The following SYNJ2 variants were observed in gnomAD, a reference collection of about 807,000 sequenced individuals.
The protein encoded by SYNJ2 is polyphosphatidylinositol phosphatase SYNJ2.
SYNJ2 carries 116 observed loss-of-function variants against 141.3 expected under a neutral mutation model. The observed-to-expected ratio is 0.82, with a 90% CI of 0.71 to 0.96. The LOEUF is 0.96. Ranked by LOEUF, SYNJ2 falls within the 40% of genes least tolerant of loss-of-function variation. SYNJ2 has a pLI of 0.00. For synonymous variants in SYNJ2, 745 were observed against 777.7 expected (o/e 0.96, Z 0.70); for missense variants, 1,873 against 1,934.8 (o/e 0.97, Z 0.60).
At chr6:157,988,554 T>C (rs2128314016) in intron 1 of SYNJ2, among the ~76,000 whole-genome samples, 1 of 152,314 alleles carries the variant, frequency 6.6e-6, no homozygotes, top group Non-Finnish European at 1.5e-5. Flanking sequence ...CTGCTGTGTC[T>C]CTCTTCTGGA....
intron 25 of SYNJ2, 89 bp downstream of exon 25, chr6:158,090,036 C>A: frequency 2.4e-6 from 2 of 842,188 alleles, no homozygotes; most frequent in Non-Finnish European, 3.9e-6. Flanking sequence ...GAAAATAACT[C>A]TTTTTATTCT....
chr6:158,075,810 C>T (rs1171406406), intron 16 of SYNJ2, among the ~76,000 whole-genome samples: 2 of 152,146 alleles, frequency 1.3e-5, no homozygotes, highest in Admixed American at 6.5e-5. Flanking sequence ...GCAGGTTTTC[C>T]TGTCTTCCTA....
At chr6:158,088,285 G>A (rs558779187) in intron 23 of SYNJ2, among the ~76,000 whole-genome samples, 1 of 151,104 alleles carries the variant, frequency 6.6e-6, no homozygotes, top group Non-Finnish European at 1.5e-5. Flanking sequence ...GCCCAGGCTG[G>A]GGTTTTTGAA....
chr6:158,029,239 T>C (rs1161310709), intron 3 of SYNJ2: 2 of 593,224 alleles, frequency 3.4e-6, no homozygotes, highest in East Asian at 6.2e-5. Flanking sequence ...CTGGAATGTG[T>C]TCAGTGTAGA....
intron 6 of SYNJ2, among the ~76,000 whole-genome samples, chr6:158,057,883 C>T (rs958511751): frequency 7.2e-5 from 11 of 152,210 alleles, no homozygotes; most frequent in African/African-American, 2.4e-4. Flanking sequence ...ACACACAGCC[C>T]GCCCCAGGGC....
intron 2 of SYNJ2, among the ~76,000 whole-genome samples, chr6:158,022,271 G>A (rs923182710): frequency 4.6e-5 from 7 of 152,148 alleles, no homozygotes; most frequent in African/African-American, 1.4e-4. Context: ...CCAGGGTTGG[G>A]ATTGGCACAG....
In SYNJ2 at chr6:158,008,685, G is replaced by A. The variant is rs138498123; in HGVS notation, c.128-8519G>A. Among the ~76,000 whole-genome samples the A allele has an allele frequency of 8.6e-3, 1,310 of 152,314 alleles. 11 individuals carry two copies. Among genetic ancestry groups the A allele is most frequent in the Middle Eastern group, 0.017 (5 of 294 alleles). On this transcript the variant is annotated intron_variant, in intron 1 of 26. Coordinates refer to ENST00000355585, the MANE Select transcript of SYNJ2 (RefSeq NM_003898.4). ...GGAAAGTTCCGCAACTAAAAAGCAC[G>A]TGTGTATGTGTGTCTGTCTGTCTGT...
chr6:158,010,981 G>A (rs868810363), intron 1 of SYNJ2, among the ~76,000 whole-genome samples: 24 of 151,140 alleles, frequency 1.6e-4, no homozygotes, highest in Middle Eastern at 3.4e-3. Flanking sequence ...GGATGGCCAC[G>A]TGATGATGGG....
intron 4 of SYNJ2, 108 bp downstream of exon 4, chr6:158,033,788 T>A (rs1779499638): frequency 2.6e-6 from 3 of 1,157,968 alleles, no homozygotes; most frequent in Non-Finnish European, 2.4e-6. Context: ...TTTGTGGTGG[T>A]CTCTGATCAG....
chr6:158,030,024 A>T (rs1779278780), intron 3 of SYNJ2, among the ~76,000 whole-genome samples: 1 of 152,112 alleles, frequency 6.6e-6, no homozygotes, highest in South Asian at 2.1e-4. Context: ...ACCCTGCCCA[A>T]AGGGACTTGT....
rs1221491910 is a variant in SYNJ2 at position 158,069,655 on chromosome 6, A to G, written c.1922A>G (p.Tyr641Cys). The change falls in exon 14 of 27, where the codon TAC becomes TGC. Residue 641 changes from tyrosine to cysteine, a missense_variant. Coordinates refer to ENST00000355585, the MANE Select transcript of SYNJ2 (RefSeq NM_003898.4). ...TGTCTTTATATCTTTGTACGTCCAT[A>G]CCATGTCCCGTTCATCAGGTAAGAA... ...GVCLYIFVRP[Y>C]HVPFIRDVAI... 5.0e-6 allele frequency: 8 copies of G among 1,612,876 alleles called. No homozygotes were observed. Among genetic ancestry groups the G allele is most frequent in the Non-Finnish European group, 5.1e-6 (6 of 1,179,282 alleles).
Position 158,063,829 on chromosome 6 carries a change from G to T in SYNJ2, c.1166G>T (p.Cys389Phe). Residue 389 changes from cysteine (C) to phenylalanine (F), a missense_variant, in exon 9 of 27, where the codon TGC (cysteine) becomes TTC (phenylalanine). Transcript: ENST00000355585. ...KGTLRMNCLD[C>F]LDRTNTVQSF... ...ACTTTGCGGATGAACTGTCTTGACTGCCTGGACCGAACCAACACTGTGCAG... is the reference window on the plus strand; with the variant it reads ...ACTTTGCGGATGAACTGTCTTGACTTCCTGGACCGAACCAACACTGTGCAG... The T allele has an allele frequency of 1.2e-6, 2 of 1,613,828 alleles. No homozygotes were observed. The highest frequency in any genetic ancestry group is 1.1e-5 in the South Asian group (1 of 91,066).
At chr6:158,029,205 C>T in intron 3 of SYNJ2, 179 bp downstream of exon 3, 15 of 766,602 alleles carry the variant, frequency 2.0e-5, no homozygotes, top group Non-Finnish European at 2.8e-5. Context: ...CCCTGAACTC[C>T]CTGCCACCCC....
intron 2 of SYNJ2, among the ~76,000 whole-genome samples, chr6:158,018,894 G>A (rs56159461): frequency 4.5e-4 from 68 of 152,342 alleles, no homozygotes; most frequent in Non-Finnish European, 8.8e-4. Context: ...AGGACTTTCC[G>A]CTCTGCAGCG....
chr6:158,005,312 C>T (rs954908240), intron 1 of SYNJ2, among the ~76,000 whole-genome samples: 5 of 152,118 alleles, frequency 3.3e-5, no homozygotes, highest in Admixed American at 2.0e-4. Context: ...CTCCTGACCT[C>T]GTGATCCACC....
At position 158,005,267 on chromosome 6, in the gene SYNJ2, T is replaced by C. The variant is rs192795616; in HGVS notation, c.128-11937T>C. ...TAATTTTTTGTATTTTTAATAGAGA[T>C]GGGGTTTCACCATGTTAGCCAGGAT... On this transcript the variant is annotated intron_variant, in intron 1 of 26. Coordinates refer to ENST00000355585, the MANE Select transcript of SYNJ2 (RefSeq NM_003898.4). Among the ~76,000 whole-genome samples, 212 of 152,150 alleles carry C rather than the reference T, an allele frequency of 1.4e-3. 1 individual carries two copies. Among genetic ancestry groups the C allele is most frequent in the African/African-American group, 4.4e-3 (183 of 41,508 alleles).
chr6:158,066,776 C>A, intron 12 of SYNJ2, 141 bp downstream of exon 12: 1 of 987,200 alleles, frequency 1.0e-6, no homozygotes, highest in Non-Finnish European at 1.5e-6. Context: ...AGCACCATGG[C>A]CTGACTCTCA....
chr6:158,011,114 C>T (rs760067792), intron 1 of SYNJ2, among the ~76,000 whole-genome samples: 48 of 150,846 alleles, frequency 3.2e-4, no homozygotes, highest in Middle Eastern at 3.4e-3. Flanking sequence ...GGACACCACG[C>T]GGGGAGAGGA....
Position 158,078,276 on chromosome 6 carries a change from T to C in SYNJ2, c.2562T>C (p.Asp854=), listed in dbSNP as rs946181202. 11 of 1,609,642 alleles carry C rather than the reference T, an allele frequency of 6.8e-6. No homozygotes were observed. Among genetic ancestry groups the C allele is most frequent in the Non-Finnish European group, 9.4e-6 (11 of 1,176,020 alleles). The change falls in exon 18 of 27, where the codon GAT becomes GAC. Residue 854 remains aspartate, a synonymous_variant. Coordinates refer to ENST00000355585, the MANE Select transcript of SYNJ2 (RefSeq NM_003898.4). ...YYGRAELQAS[D]HRPVLAIVEV... is the part of the protein sequence containing the mutation. ...GTCGTGCGGAGCTACAAGCGTCTGA[T>C]CACAGGTGAGGTCCTGACTTCCATG...
Sources: gnomAD v4.1 joint callset for allele counts (sites outside exome capture counted in the v4.1 genomes callset) on GRCh38, gnomAD v4.1.1 for gene constraint, MANE v1.5 for transcripts, NCBI Gene and HGNC (gene_info 2026-07-23, HGNC 2026-07-21) for gene names.